The following ZFYVE26 variants were observed in gnomAD, a reference collection of about 807,000 sequenced individuals.
ZFYVE26 encodes zinc finger FYVE-type containing 26, also known as zinc finger FYVE domain-containing protein 26.
Under a neutral mutation model 276.5 loss-of-function variants are expected in ZFYVE26, and 181 were observed. The observed-to-expected ratio is 0.65, with a 90% CI of 0.58 to 0.74. The LOEUF (loss-of-function observed/expected upper bound fraction) is 0.74, where lower values mean the gene tolerates loss of function less well. Among genes scored for constraint, ZFYVE26 ranks in the 30% least tolerant of loss-of-function variants. The pLI is 0.00. For synonymous variants in ZFYVE26, 1,129 were observed against 1,203.1 expected, an observed-to-expected ratio of 0.94 and a Z score of 1.27; for missense variants, 2,821 against 3,097.9, an observed-to-expected ratio of 0.91 and a Z score of 2.12.
chr14:67,802,329 A>G (rs2040094679), intron 9 of ZFYVE26, 47 bp from the exon 10 acceptor site: 9 of 1,593,346 alleles, frequency 5.6e-6, no homozygotes, highest in Non-Finnish European at 7.7e-6. Context: ...TAATTAATTC[A>G]GGATGCAAGT....
At chr14:67,760,874 A>C in intron 35 of ZFYVE26, 1 of 222,236 alleles carries the variant, frequency 4.5e-6, no homozygotes. Flanking sequence ...AGGAGAGCAT[A>C]TTCTTCTTTC....
At chr14:67,742,328 T>C (rs1311359226), downstream of ZFYVE26, among the ~76,000 whole-genome samples, 1 of 152,216 alleles carries the variant, frequency 6.6e-6, no homozygotes. Context: ...ATGTTGGTGA[T>C]GGTTGCACAA....
At chr14:67,752,623 T>G in intron 39 of ZFYVE26, 97 bp from the exon 40 acceptor site, 1 of 1,285,366 alleles carries the variant, frequency 7.8e-7, no homozygotes, top group Non-Finnish European at 1.1e-6. Context: ...TTGGTGTAGA[T>G]AAGCCATATT....
intron 38 of ZFYVE26, 133 bp from the exon 39 acceptor site, chr14:67,753,899 G>A: frequency 2.0e-6 from 3 of 1,475,734 alleles, no homozygotes; most frequent in Non-Finnish European, 2.8e-6. Context: ...CCAGGCACTA[G>A]GGATATAAGA....
At chr14:67,813,110 AAATT>A (rs2140258127) in intron 3 of ZFYVE26, among the ~76,000 whole-genome samples, 1 of 152,368 alleles carries the variant, frequency 6.6e-6, no homozygotes, top group East Asian at 1.9e-4. Flanking sequence ...ACCAAAGACA[AAATT>A]AATTCTGGTG....
intron 30 of ZFYVE26, among the ~76,000 whole-genome samples, chr14:67,768,280 C>A (rs1047767629): frequency 6.6e-6 from 1 of 152,186 alleles, no homozygotes; most frequent in African/African-American, 2.4e-5. Context: ...AAGTTAAGAA[C>A]CAAATTATTT....
chr14:67,769,084 G>A (rs1013571889), intron 29 of ZFYVE26, among the ~76,000 whole-genome samples: 28 of 152,088 alleles, frequency 1.8e-4, no homozygotes, highest in African/African-American at 6.3e-4. Context: ...GATCTGTCTC[G>A]CCAGAGGTAT....
In ZFYVE26 at chr14:67,802,242, A is replaced by G. The variant is rs779664133; in HGVS notation, c.1476T>C (p.Cys492=). Residue 492 remains cysteine, a synonymous_variant, in exon 10 of 42, where the codon TGT becomes TGC. Coordinates refer to ENST00000347230, the MANE Select transcript of ZFYVE26 (RefSeq NM_015346.4). The part of the protein sequence containing the change: ...DAPVPEHLSQ[C]QNLTLYQGFC... ...AGCCCTGGTAGAGTGTCAGGTTCTG[A>G]CACTGGCTCAGGTGCTCAGGGACTG... is the stretch of plus-strand genomic sequence containing the variant. 1.9e-6 allele frequency: 3 copies of G among 1,614,202 alleles called. No homozygotes were observed. Among genetic ancestry groups the G allele is most frequent in the Admixed American group, 1.7e-5 (1 of 60,026 alleles).
intron 12 of ZFYVE26, 200 bp downstream of exon 12, chr14:67,797,472 G>C (rs940148254): frequency 3.1e-6 from 2 of 653,094 alleles, no homozygotes; most frequent in Admixed American, 2.3e-5. Context: ...TATATAAAAG[G>C]ATATACATGT....
At chr14:67,739,185 A>T (rs1475806408) in intron 13 of ZFYVE26, among the ~76,000 whole-genome samples, 1 of 152,178 alleles carries the variant, frequency 6.6e-6, no homozygotes, top group Non-Finnish European at 1.5e-5. Flanking sequence ...CACAGGAAGA[A>T]ATTTTCTGTC....
At chr14:67,815,617 C>A (rs1324086021) in intron 2 of ZFYVE26, 153 bp downstream of exon 2, 3 of 765,650 alleles carry the variant, frequency 3.9e-6, no homozygotes, top group Non-Finnish European at 4.6e-6. Context: ...TGGATGTATA[C>A]TATAGAGGTA....
At chr14:67,784,974 C>A in intron 19 of ZFYVE26, 85 bp downstream of exon 19, 2 of 1,388,048 alleles carry the variant, frequency 1.4e-6, no homozygotes, top group South Asian at 2.3e-5. Flanking sequence ...GTATCCAGAG[C>A]CTTTCAATTG....
intron 13 of ZFYVE26, among the ~76,000 whole-genome samples, chr14:67,733,206 C>T (rs2038308730): frequency 6.6e-6 from 1 of 152,066 alleles, no homozygotes; most frequent in Admixed American, 6.5e-5. Flanking sequence ...CCTCAGGGCC[C>T]CTGCTCATTC....
At chr14:67,756,237 T>C in intron 35 of ZFYVE26, 92 bp from the exon 36 acceptor site, 1 of 1,283,668 alleles carries the variant, frequency 7.8e-7, no homozygotes, top group Non-Finnish European at 1.1e-6. Flanking sequence ...TTGATGAACC[T>C]TCAGCATCCT....
chr14:67,776,241 T>C (rs2039340686), intron 25 of ZFYVE26, 135 bp from the exon 26 acceptor site: 1 of 1,281,984 alleles, frequency 7.8e-7, no homozygotes, highest in South Asian at 1.3e-5. Context: ...AGACTCGCAG[T>C]CTTTTAGGAA....
intron 9 of ZFYVE26, among the ~76,000 whole-genome samples, chr14:67,803,689 G>A (rs1208064900): frequency 3.9e-5 from 6 of 151,940 alleles, no homozygotes; most frequent in African/African-American, 1.4e-4. Context: ...TATGGAGTAT[G>A]AAGTGGACAT....
intron 25 of ZFYVE26, 131 bp from the exon 26 acceptor site, chr14:67,776,237 G>T: frequency 7.6e-7 from 1 of 1,318,830 alleles, no homozygotes; most frequent in Non-Finnish European, 1.1e-6. Context: ...AAACAGACTC[G>T]CAGTCTTTTA....
At chr14:67,794,114 CAA>C in intron 13 of ZFYVE26, 55 bp downstream of exon 13, 1 of 1,567,302 alleles carries the variant, frequency 6.4e-7, no homozygotes, top group East Asian at 2.2e-5. Flanking sequence ...TGGTGTATGG[CAA>C]CTCTATATCA....
downstream of ZFYVE26, among the ~76,000 whole-genome samples, chr14:67,741,605 C>T (rs1301138783): frequency 1.3e-5 from 2 of 152,188 alleles, no homozygotes; most frequent in Non-Finnish European, 2.9e-5. Flanking sequence ...GTTTATTGAA[C>T]ATATGAGAAT....
Sources: allele counts gnomAD v4.1 joint callset (sites outside exome capture counted in the v4.1 genomes callset), GRCh38; gene constraint gnomAD v4.1.1; transcripts MANE v1.5; gene names NCBI Gene and HGNC (gene_info 2026-07-23, HGNC 2026-07-21).